IVL: variants seen among roughly 807,000 people sequenced by gnomAD.
IVL encodes the protein involucrin.
For synonymous variants in IVL, 257 were observed against 271.0 expected (o/e 0.95, Z 0.51); for missense variants, 722 against 624.9 (o/e 1.16, Z -1.66).
At position 152,911,166 on chromosome 1, in the gene IVL, G is replaced by A. The variant is rs777396874; in HGVS notation, c.1369G>A (p.Val457Met). 46 of 1,558,694 alleles carry A rather than the reference G, an allele frequency of 3.0e-5. No individual in the cohort carries two copies. In the Admixed American group the frequency reaches 6.5e-4, roughly 22 times the overall value. ...GCAGTTGGAGGTCCCAGAGCAGCAG[G>A]TGGGGCAGCCAAAGAACCTGGAGCA... The part of the protein sequence containing the change: ...QGQLEVPEQQ[V>M]GQPKNLEQEE... The change falls in exon 2 of 2, where the codon GTG (valine) becomes ATG (methionine). Residue 457 changes from valine to methionine, a missense_variant. Physicochemically the swap from Val to Met is conservative, Grantham distance 21. Transcript: ENST00000368764.
chr1:152,909,991 C>T lies in IVL; in HGVS notation c.194C>T (p.Thr65Ile), dbSNP rs1489537562. The T allele has an allele frequency of 3.1e-6, 5 of 1,614,060 alleles. No individual in the cohort carries two copies. The highest frequency in any genetic ancestry group is 4.2e-6 in the Non-Finnish European group (5 of 1,180,040). The change falls in exon 2 of 2, where the codon ACT becomes ATT. Residue 65 changes from threonine (T) to isoleucine (I), a missense_variant. Physicochemically the swap from Thr to Ile is moderately conservative, Grantham distance 89. Coordinates refer to ENST00000368764, the MANE Select transcript of IVL (RefSeq NM_005547.4). The stretch of plus-strand genomic sequence containing the variant: ...TCAAAGCAAGAGGAAAAGCACATGA[C>T]TGCTGTAAAGGGACTGCCTGAGCAA... ...VPSKQEEKHM[T>I]AVKGLPEQEC...
In IVL at chr1:152,910,788, G is replaced by A. The variant is rs1429598484; in HGVS notation, c.991G>A (p.Gly331Arg). The A allele has an allele frequency of 2.1e-5, 33 of 1,550,470 alleles. No individual in the cohort carries two copies. The Admixed American group carries it at 6.3e-4, about 30-fold the overall frequency. Residue 331 changes from glycine to arginine, a missense_variant, in exon 2 of 2, where the codon GGG becomes AGG. Transcript: ENST00000368764. ...GCCTAAGCATCTGGAGCAGCAGGAG[G>A]GGCAACTGGAGCAGCTGGAGGAGCA... ...GQPKHLEQQE[G>R]QLEQLEEQEG...
At position 152,911,183 on chromosome 1, in the gene IVL, C is replaced by G; in HGVS notation, c.1386C>G (p.Asn462Lys). 6.4e-7 allele frequency: 1 copy of G among 1,558,756 alleles called. No homozygotes were observed. The highest frequency in any genetic ancestry group is 1.2e-5 in the South Asian group (1 of 84,526). ...VPEQQVGQPK[N>K]LEQEEKQLEL... is the part of the protein sequence containing the mutation. ...AGCAGCAGGTGGGGCAGCCAAAGAA[C>G]CTGGAGCAGGAGGAGAAGCAACTGG... is the stretch of plus-strand genomic sequence containing the variant. Residue 462 changes from asparagine (N) to lysine (K), a missense_variant, in exon 2 of 2, where the codon AAC becomes AAG. Physicochemically the swap from Asn to Lys is moderately conservative, Grantham distance 94 (BLOSUM62 0). Transcript: ENST00000368764.
Position 152,911,150 on chromosome 1 carries a change from G to A in IVL, c.1353G>A (p.Glu451=). ...TGGAGCAGCAGCAGGGGCAGTTGGA[G>A]GTCCCAGAGCAGCAGGTGGGGCAGC... ...KHLEQQQGQL[E]VPEQQVGQPK... The change falls in exon 2 of 2, where the codon GAG becomes GAA. Residue 451 remains glutamate, a synonymous_variant. Transcript: ENST00000368764. The A allele has an allele frequency of 6.4e-7, 1 of 1,559,516 alleles. No individual in the cohort carries two copies. The highest frequency in any genetic ancestry group is 8.7e-7 in the Non-Finnish European group (1 of 1,151,548).
Position 152,910,571 on chromosome 1 carries a change from G to C in IVL, c.774G>C (p.Gln258His), listed in dbSNP as rs45471194. The C allele has an allele frequency of 6.5e-7, 1 of 1,550,340 alleles. No individual in the cohort carries two copies. Among genetic ancestry groups the C allele is most frequent in the African/African-American group, 1.4e-5 (1 of 72,878 alleles). Residue 258 changes from glutamine to histidine, a missense_variant, in exon 2 of 2, where the codon CAG (glutamine) becomes CAC (histidine). Physicochemically the swap from Gln to His is conservative, Grantham distance 24. Transcript: ENST00000368764. ...QQEGQLELSE[Q>H]QEGQLKHLEH... ...AGGGGCAGCTGGAGCTCTCTGAGCA[G>C]CAGGAGGGACAGCTGAAGCACCTGG...
rs1649994493 is a variant in IVL at position 152,911,429 on chromosome 1, G to A, written c.1632G>A (p.Val544=). The A allele has an allele frequency of 6.2e-7, 1 of 1,614,060 alleles. No individual in the cohort carries two copies. The highest frequency in any genetic ancestry group is 1.3e-5 in the African/African-American group (1 of 74,934). Residue 544 remains valine (V), a synonymous_variant, in exon 2 of 2, where the codon GTG becomes GTA. Transcript: ENST00000368764. ...EQQKGQLEQP[V]FAPAPGQVQD... is the part of the protein sequence containing the mutation. ...AGAAGGGGCAGCTGGAGCAGCCTGT[G>A]TTTGCCCCAGCTCCAGGCCAGGTCC...
rs1360210149 is a variant in IVL at position 152,910,719 on chromosome 1, C to A, written c.922C>A (p.Gln308Lys). 4 of 1,549,220 alleles carry A rather than the reference C, an allele frequency of 2.6e-6. No homozygotes were observed. The highest frequency in any genetic ancestry group is 2.4e-5 in the South Asian group (2 of 83,862). ...GGAGAAGCAGCCAGAGCTCCCAGAG[C>A]AGCAGATGGGGCAGCTGAAGCACCT... is the stretch of plus-strand genomic sequence containing the variant. ...QQEKQPELPE[Q>K]QMGQLKHLEQ... Residue 308 changes from glutamine (Q) to lysine (K), a missense_variant, in exon 2 of 2, where the codon CAG (glutamine) becomes AAG (lysine). Gln to Lys is a moderately conservative substitution (Grantham distance 53). Transcript: ENST00000368764.
rs1650004623 is a variant in IVL at position 152,911,654 on chromosome 1, C to G, written c.*99C>G. The G allele has an allele frequency of 8.8e-7, 1 of 1,134,220 alleles. No individual in the cohort carries two copies. Among genetic ancestry groups the G allele is most frequent in the East Asian group, 2.4e-5 (1 of 42,292 alleles). The allele number at this position is 1,134,220 out of a possible 1,614,324, so 70.3% of individuals were successfully genotyped here. ...GGGTCCGCTAGGTGGCCCGTCTCAT[C>G]TGTGAACTTGACTCTGTCCCTCTAC... On this transcript the variant is annotated 3_prime_UTR_variant, in exon 2 of 2. Transcript: ENST00000368764.
At position 152,911,678 on chromosome 1, in the gene IVL, A is replaced by G; in HGVS notation, c.*123A>G. 1 of 944,740 alleles carries G rather than the reference A, an allele frequency of 1.1e-6. No homozygotes were observed. The highest frequency in any genetic ancestry group is 1.6e-6 in the Non-Finnish European group (1 of 621,062). 58.5% of individuals were successfully genotyped at this position (944,740 alleles called of 1,614,324 possible). Reference sequence around the variant, plus strand: ...TCTGTGAACTTGACTCTGTCCCTCTACATGTCTCTTTAATGGGGTGAGGGT... The same window carrying G: ...TCTGTGAACTTGACTCTGTCCCTCTGCATGTCTCTTTAATGGGGTGAGGGT... On this transcript the variant is annotated 3_prime_UTR_variant, in exon 2 of 2. Transcript: ENST00000368764.
Position 152,910,071 on chromosome 1 carries a change from T to C in IVL, c.274T>C (p.Trp92Arg), listed in dbSNP as rs1649897336. The change falls in exon 2 of 2, where the codon TGG (tryptophan) becomes CGG (arginine). Residue 92 changes from tryptophan (W) to arginine (R), a missense_variant. Physicochemically the swap from Trp to Arg is moderately radical, Grantham distance 101. Transcript: ENST00000368764. Reference protein sequence around the residue: ...PQEQELQQQHWEQHEEYQKAE... With the variant: ...PQEQELQQQHREQHEEYQKAE... ...GGAGCAGGAGCTGCAGCAACAGCAC[T>C]GGGAACAGCATGAGGAATATCAGAA... is the stretch of plus-strand genomic sequence containing the variant. 6.2e-7 allele frequency: 1 copy of C among 1,614,116 alleles called. No homozygotes were observed. The highest frequency in any genetic ancestry group is 8.5e-7 in the Non-Finnish European group (1 of 1,180,008).
chr1:152,909,614 T>G (rs1185946381), intron 1 of IVL, among the ~76,000 whole-genome samples, 165 bp from the exon 2 acceptor site: 3 of 152,174 alleles, frequency 2.0e-5, no homozygotes, highest in African/African-American at 7.2e-5. Context: ...ATTTCCACCC[T>G]TCTCTCTCTG....
Position 152,909,921 on chromosome 1 carries a change from C to G in IVL, c.124C>G (p.Pro42Ala). The G allele has an allele frequency of 6.2e-7, 1 of 1,614,208 alleles. No homozygotes were observed. Among genetic ancestry groups the G allele is most frequent in the Non-Finnish European group, 8.5e-7 (1 of 1,180,046 alleles). Reference sequence around the variant, plus strand: ...AATGAAACAGCCAACTCCACTGCCTCCCCCATGCCAGAAGGTGCCTGTCGA... The same window carrying G: ...AATGAAACAGCCAACTCCACTGCCTGCCCCATGCCAGAAGGTGCCTGTCGA... The part of the protein sequence containing the change: ...EQMKQPTPLP[P>A]PCQKVPVELP... The change falls in exon 2 of 2, where the codon CCC (proline) becomes GCC (alanine). Residue 42 changes from proline to alanine, a missense_variant. Transcript: ENST00000368764.
Position 152,910,713 on chromosome 1 carries a change from C to T in IVL, c.916C>T (p.Pro306Ser), listed in dbSNP as rs548478935. 9 of 1,549,356 alleles carry T rather than the reference C, an allele frequency of 5.8e-6. No individual in the cohort carries two copies. In the African/African-American group the frequency reaches 6.9e-5, roughly 12 times the overall value. ...LDQQEKQPEL[P>S]EQQMGQLKHL... is the part of the protein sequence containing the mutation. Reference sequence around the variant, plus strand: ...TCAGCAGGAGAAGCAGCCAGAGCTCCCAGAGCAGCAGATGGGGCAGCTGAA... The same window carrying T: ...TCAGCAGGAGAAGCAGCCAGAGCTCTCAGAGCAGCAGATGGGGCAGCTGAA... Residue 306 changes from proline (P) to serine (S), a missense_variant, in exon 2 of 2, where the codon CCA (proline) becomes TCA (serine). Coordinates refer to ENST00000368764, the MANE Select transcript of IVL (RefSeq NM_005547.4).
intron 1 of IVL, 85 bp downstream of exon 1, chr1:152,908,674 G>C (rs1649839083): frequency 6.6e-6 from 1 of 151,908 alleles, no homozygotes; most frequent in Non-Finnish European, 1.5e-5. Context: ...CCTGGGTGGG[G>C]GTGGGCATTA....
Position 152,909,897 on chromosome 1 carries a change from A to G in IVL, c.100A>G (p.Met34Val), listed in dbSNP as rs779870141. 2.5e-6 allele frequency: 4 copies of G among 1,614,156 alleles called. No individual in the cohort carries two copies. Among genetic ancestry groups the G allele is most frequent in the Non-Finnish European group, 3.4e-6 (4 of 1,180,040 alleles). The change falls in exon 2 of 2, where the codon ATG (methionine) becomes GTG (valine). Residue 34 changes from methionine (M) to valine (V), a missense_variant. By Grantham distance (21) the Met-to-Val change is conservative. Transcript: ENST00000368764. ...TCCAGTCAATACCCATCAGGAGCAA[A>G]TGAAACAGCCAACTCCACTGCCTCC... Reference protein sequence around the residue: ...PPPVNTHQEQMKQPTPLPPPC... With the variant: ...PPPVNTHQEQVKQPTPLPPPC...
chr1:152,911,538 C>G lies in IVL; in HGVS notation c.1741C>G (p.Pro581Ala), dbSNP rs927415744. 1 of 1,611,424 alleles carries G rather than the reference C, an allele frequency of 6.2e-7. No homozygotes were observed. The highest frequency in any genetic ancestry group is 2.2e-5 in the East Asian group (1 of 44,860). ...GCAGCAGAAGCAGGAGGTGCAGTGG[C>G]CACCCAAACATAAATAACCACCCGC... The part of the protein sequence containing the change: ...HQQQKQEVQW[P>A]PKHK Residue 581 changes from proline (P) to alanine (A), a missense_variant, in exon 2 of 2, where the codon CCA becomes GCA. Physicochemically the swap from Pro to Ala is conservative, Grantham distance 27 (BLOSUM62 -1). Transcript: ENST00000368764.
In IVL at chr1:152,911,668, C is replaced by G; in HGVS notation, c.*113C>G. 9.9e-7 allele frequency: 1 copy of G among 1,011,574 alleles called. No homozygotes were observed. The highest frequency in any genetic ancestry group is 1.5e-6 in the Non-Finnish European group (1 of 678,024). 62.7% of individuals were successfully genotyped at this position (1,011,574 alleles called of 1,614,324 possible). ...GCCCGTCTCATCTGTGAACTTGACT[C>G]TGTCCCTCTACATGTCTCTTTAATG... On this transcript the variant is annotated 3_prime_UTR_variant, in exon 2 of 2. Coordinates refer to ENST00000368764, the MANE Select transcript of IVL (RefSeq NM_005547.4).
rs1649886755 is a variant in IVL at position 152,909,852 on chromosome 1, C to G, written c.55C>G (p.Leu19Val). Residue 19 changes from leucine (L) to valine (V), a missense_variant, in exon 2 of 2, where the codon CTC (leucine) becomes GTC (valine). Leu to Val is a conservative substitution (Grantham distance 32). Coordinates refer to ENST00000368764, the MANE Select transcript of IVL (RefSeq NM_005547.4). ...VTLSPALSQELLKTVPPPVNT... is the reference protein window; with the variant it reads ...VTLSPALSQEVLKTVPPPVNT... ...CCTCTCCCCTGCCCTCAGTCAGGAG[C>G]TCCTCAAGACTGTTCCTCCTCCAGT... is the stretch of plus-strand genomic sequence containing the variant. 1 of 1,614,184 alleles carries G rather than the reference C, an allele frequency of 6.2e-7. No homozygotes were observed. Among genetic ancestry groups the G allele is most frequent in the Non-Finnish European group, 8.5e-7 (1 of 1,180,026 alleles).
chr1:152,910,154 A>T lies in IVL; in HGVS notation c.357A>T (p.Leu119=), dbSNP rs1649902127. Residue 119 remains leucine, a synonymous_variant, in exon 2 of 2, where the codon CTA becomes CTT. Coordinates refer to ENST00000368764, the MANE Select transcript of IVL (RefSeq NM_005547.4). ...AGAAAACACAAAGGGATCAGCAGCT[A>T]AACAAACAGCTGGAAGAAGAGAAGA... ...KQEKTQRDQQ[L]NKQLEEEKKL... is the part of the protein sequence containing the mutation. 1 of 1,614,026 alleles carries T rather than the reference A, an allele frequency of 6.2e-7. No homozygotes were observed. Among genetic ancestry groups the T allele is most frequent in the South Asian group, 1.1e-5 (1 of 91,082 alleles).
Sources: allele counts gnomAD v4.1 joint callset (sites outside exome capture counted in the v4.1 genomes callset), GRCh38; gene constraint gnomAD v4.1.1; transcripts MANE v1.5; gene names NCBI Gene and HGNC (gene_info 2026-07-23, HGNC 2026-07-21).